Variants in TUBGCP6 observed in about 807,000 individuals in gnomAD.
The protein encoded by TUBGCP6 is gamma-tubulin complex component 6.
TUBGCP6 carries 161 observed loss-of-function variants against 175.8 expected under a neutral mutation model. The observed-to-expected ratio is 0.92, with a 90% confidence interval of 0.81 to 1.04. TUBGCP6 has a LOEUF of 1.04. TUBGCP6 is among the 50% of genes least tolerant of loss of function. TUBGCP6 has a pLI of 0.00. For synonymous variants in TUBGCP6, 1,173 were observed against 1,030.5 expected, an observed-to-expected ratio of 1.14 and a Z score of -2.65; for missense variants, 2,572 against 2,433.0, an observed-to-expected ratio of 1.06 and a Z score of -1.20.
rs1293727784 is a variant in TUBGCP6, at chr22:50,221,250, C to T, written c.3109G>A (p.Gly1037Arg). The T allele has an allele frequency of 1.9e-6, 3 of 1,614,148 alleles. No homozygotes were observed. The Admixed American group carries it at 5.0e-5, about 27-fold the overall frequency. Residue 1037 changes from glycine (G) to arginine (R), a missense_variant, in exon 16 of 25, where the codon GGG (glycine) becomes AGG (arginine). By Grantham distance (125) the Gly-to-Arg change is moderately radical. Transcript: ENST00000248846. ...GGAGCTATTTCAGAAGCGTAGTCCC[C>T]TGTGGGAAGACCACCCCCTGACACC... is the stretch of plus-strand genomic sequence containing the variant. ...GQVSGGGLPTGDYASEIAPTR... is the reference protein window; with the variant it reads ...GQVSGGGLPTRDYASEIAPTR...
chr22:50,232,450 T>C (rs1286792866), intron 3 of TUBGCP6, among the ~76,000 whole-genome samples: 4 of 150,170 alleles, frequency 2.7e-5, no homozygotes, highest in Non-Finnish European at 5.9e-5. Flanking sequence ...CCCAGCTACA[T>C]GGAGGCTAAG....
chr22:50,234,527 C>T (rs1317846961), intron 2 of TUBGCP6, among the ~76,000 whole-genome samples: 1 of 149,944 alleles, frequency 6.7e-6, no homozygotes, highest in Non-Finnish European at 1.5e-5. Context: ...GCATCCACAC[C>T]CAGTTCCACA....
chr22:50,231,811 G>T (rs1569120611), intron 3 of TUBGCP6, among the ~76,000 whole-genome samples: 1 of 143,298 alleles, frequency 7.0e-6, no homozygotes, highest in African/African-American at 2.6e-5. Context: ...AGTGAGCCGA[G>T]ATCGCGCCAC....
intron 2 of TUBGCP6, 74 bp from the exon 3 acceptor site, chr22:50,233,600 G>C: frequency 2.9e-6 from 4 of 1,395,752 alleles, no homozygotes; most frequent in Non-Finnish European, 2.0e-6. Context: ...GCTTTCTCTC[G>C]GGAATGGGCA....
At chr22:50,238,371 C>G (rs1250527842) in intron 2 of TUBGCP6, among the ~76,000 whole-genome samples, 2 of 150,688 alleles carry the variant, frequency 1.3e-5, no homozygotes, top group South Asian at 2.1e-4. Context: ...TACTTGAACC[C>G]GGGAGGCGGA....
At chr22:50,227,862 C>T (rs1193166538) in intron 5 of TUBGCP6, 45 bp downstream of exon 5, 2 of 1,556,208 alleles carry the variant, frequency 1.3e-6, no homozygotes, top group Non-Finnish European at 1.7e-6. Context: ...AAGCCCCACA[C>T]CGCTCCCGCA....
chr22:50,225,768 C>T (rs758605590), intron 10 of TUBGCP6, 26 bp downstream of exon 10: 3 of 1,592,940 alleles, frequency 1.9e-6, no homozygotes, highest in South Asian at 1.1e-5. Flanking sequence ...GCGAAGAAAG[C>T]CCCCGAGACC....
intron 5 of TUBGCP6, 142 bp downstream of exon 5, chr22:50,227,765 C>T (rs994205463): frequency 3.0e-5 from 37 of 1,230,798 alleles, no homozygotes; most frequent in Admixed American, 1.3e-4. Context: ...TGAACTCGGC[C>T]GGCCAAGGGC....
chr22:50,229,605 C>T (rs553546230), intron 3 of TUBGCP6, 28 bp from the exon 4 acceptor site: 3 of 1,560,068 alleles, frequency 1.9e-6, no homozygotes, highest in African/African-American at 1.4e-5. Context: ...ACACTGGTCA[C>T]AGAGGCCAGG....
intron 5 of TUBGCP6, among the ~76,000 whole-genome samples, chr22:50,227,317 G>A (rs1356066416): frequency 1.3e-5 from 2 of 151,898 alleles, no homozygotes; most frequent in Non-Finnish European, 2.9e-5. Flanking sequence ...CACCCAGCAG[G>A]CCCTCCCTCC....
chr22:50,235,196 T>A (rs2064755744), intron 2 of TUBGCP6, among the ~76,000 whole-genome samples: 1 of 21,350 alleles, frequency 4.7e-5, no homozygotes, highest in Non-Finnish European at 7.8e-5. Context: ...GGCAGCATCA[T>A]CCACATCCCT....
intron 2 of TUBGCP6, among the ~76,000 whole-genome samples, chr22:50,234,563 C>T (rs1201527667): frequency 2.0e-5 from 3 of 147,154 alleles, no homozygotes; most frequent in Non-Finnish European, 3.0e-5. Flanking sequence ...CCCAGGTCCA[C>T]GGCAGCATCG....
chr22:50,240,378 A>C lies in TUBGCP6; in HGVS notation c.742-11T>G. 6.2e-7 allele frequency: 1 copy of C among 1,610,266 alleles called. No homozygotes were observed. The highest frequency in any genetic ancestry group is 8.5e-7 in the Non-Finnish European group (1 of 1,178,430). On this transcript the variant is annotated splice_polypyrimidine_tract_variant and intron_variant, in intron 1 of 24. Coordinates refer to ENST00000248846, the MANE Select transcript of TUBGCP6 (RefSeq NM_020461.4). ...CACACTCGGTGGGACCTGGAGACAC[A>C]GGGAAGGGCAAACCGCCACTTATTG...
chr22:50,221,294 G>A lies in TUBGCP6; in HGVS notation c.3065C>T (p.Thr1022Ile). 2.5e-6 allele frequency: 4 copies of A among 1,613,862 alleles called. No individual in the cohort carries two copies. Among genetic ancestry groups the A allele is most frequent in the Non-Finnish European group, 3.4e-6 (4 of 1,180,034 alleles). ...AALEEGSSQP[T>I]ERLFGQVSGG... Reference sequence around the variant, plus strand: ...TGACACCTGCCCAAAGAGCCGCTCTGTGGGCTGGCTGCTCCCCTCCTCCAG... The same window carrying A: ...TGACACCTGCCCAAAGAGCCGCTCTATGGGCTGGCTGCTCCCCTCCTCCAG... The change falls in exon 16 of 25, where the codon ACA becomes ATA. Residue 1022 changes from threonine to isoleucine, a missense_variant. Coordinates refer to ENST00000248846, the MANE Select transcript of TUBGCP6 (RefSeq NM_020461.4).
chr22:50,240,164 G>A, intron 2 of TUBGCP6, 40 bp downstream of exon 2: 1 of 1,611,584 alleles, frequency 6.2e-7, no homozygotes, highest in Non-Finnish European at 8.5e-7. Context: ...CTCATGCAGG[G>A]GTAGGGGCAC....
chr22:50,243,798 C>T lies in TUBGCP6; in HGVS notation c.662G>A (p.Ser221Asn). 10 of 1,613,642 alleles carry T rather than the reference C, an allele frequency of 6.2e-6. No homozygotes were observed. The highest frequency in any genetic ancestry group is 7.6e-6 in the Non-Finnish European group (9 of 1,180,004). Reference sequence around the variant, plus strand: ...TCGGACGTCCATGTCATAAGTGCGGCTGTGCACAAGGGCCCCGAAGAGCGA... The same window carrying T: ...TCGGACGTCCATGTCATAAGTGCGGTTGTGCACAAGGGCCCCGAAGAGCGA... ...RVSLFGALVHSRTYDMDVRLG... is the reference protein window; with the variant it reads ...RVSLFGALVHNRTYDMDVRLG... The change falls in exon 1 of 25, where the codon AGC becomes AAC. Residue 221 changes from serine (S) to asparagine (N), a missense_variant. Coordinates refer to ENST00000248846, the MANE Select transcript of TUBGCP6 (RefSeq NM_020461.4).
chr22:50,220,556 G>C lies in TUBGCP6; in HGVS notation c.3803C>G (p.Thr1268Ser). ...GTGGGGCGGAGGGATGGGTACATGG[G>C]TGTTCCACCGTGGCCGGGTGGAAAC... ...DVVSTRPRWN[T>S]HVPIPPPHMV... Residue 1268 changes from threonine (T) to serine (S), a missense_variant, in exon 16 of 25, where the codon ACC becomes AGC. Thr to Ser is a moderately conservative substitution (Grantham distance 58, BLOSUM62 1). Coordinates refer to ENST00000248846, the MANE Select transcript of TUBGCP6 (RefSeq NM_020461.4). 6.2e-7 allele frequency: 1 copy of C among 1,613,576 alleles called. No homozygotes were observed. Among genetic ancestry groups the C allele is most frequent in the South Asian group, 1.1e-5 (1 of 91,080 alleles).
chr22:50,221,039 T>C lies in TUBGCP6; in HGVS notation c.3320A>G (p.His1107Arg), dbSNP rs765021926. The stretch of plus-strand genomic sequence containing the variant: ...GATGCTGGCGTTGGACACATGTCCA[T>C]GGATGTTCCACCGTGGCCGAGTGGG... ...VAPTRPRWNI[H>R]GHVSNASIRV... Residue 1107 changes from histidine (H) to arginine (R), a missense_variant, in exon 16 of 25, where the codon CAT becomes CGT. His to Arg is a conservative substitution (Grantham distance 29). Coordinates refer to ENST00000248846, the MANE Select transcript of TUBGCP6 (RefSeq NM_020461.4). 11 of 1,611,772 alleles carry C rather than the reference T, an allele frequency of 6.8e-6. No homozygotes were observed. The highest frequency in any genetic ancestry group is 5.5e-5 in the South Asian group (5 of 90,928).
chr22:50,223,873 A>G, intron 13 of TUBGCP6: 1 of 389,858 alleles, frequency 2.6e-6, no homozygotes, highest in Non-Finnish European at 4.6e-6. Flanking sequence ...AAGAAGATAA[A>G]TAAAGAGACA....
Sources: gnomAD v4.1 joint callset for allele counts (sites outside exome capture counted in the v4.1 genomes callset) on GRCh38, gnomAD v4.1.1 for gene constraint, MANE v1.5 for transcripts, NCBI Gene and HGNC (gene_info 2026-07-23, HGNC 2026-07-21) for gene names.